MYH10: variants seen among roughly 807,000 people sequenced by gnomAD.
The protein encoded by MYH10 is myosin-10.
A neutral mutation model predicts 257.8 loss-of-function variants in MYH10; 55 were observed. The observed-to-expected ratio is 0.21, with a 90% CI of 0.17 to 0.27. The LOEUF (loss-of-function observed/expected upper bound fraction) is 0.27. MYH10 is among the 10% of genes least tolerant of loss of function. The probability of loss-of-function intolerance (pLI) is 1.00; values close to 1 mark genes in which losing one functional copy is unlikely to be tolerated. For synonymous variants in MYH10, 854 were observed against 921.7 expected (o/e 0.93, Z 1.33); for missense variants, 1,631 against 2,500.6 (o/e 0.65, Z 7.42).
intron 7 of MYH10, among the ~76,000 whole-genome samples, chr17:8,559,300 A>G (rs759205362): frequency 6.6e-6 from 1 of 152,184 alleles, no homozygotes; most frequent in Non-Finnish European, 1.5e-5. Flanking sequence ...CTAGAAATTG[A>G]AAACTTCTGA....
intron 1 of MYH10, among the ~76,000 whole-genome samples, chr17:8,628,842 T>G (rs999682936): frequency 1.4e-4 from 21 of 152,234 alleles, no homozygotes; most frequent in African/African-American, 3.4e-4. Context: ...ATTTCCTCCA[T>G]CTCACCTTCC....
At chr17:8,517,792 C>CA (rs1812335867) in intron 21 of MYH10, among the ~76,000 whole-genome samples, 1 of 152,226 alleles carries the variant, frequency 6.6e-6, no homozygotes, top group African/African-American at 2.4e-5. Context: ...GTCTGATTCT[C>CA]AAGCCTCTTC....
At chr17:8,581,355 GC>G (rs1051206858) in intron 4 of MYH10, among the ~76,000 whole-genome samples, 17 of 151,956 alleles carry the variant, frequency 1.1e-4, no homozygotes, top group Non-Finnish European at 1.6e-4. Flanking sequence ...CAAGAAATGG[GC>G]CTCTTTTTTA....
At chr17:8,539,981 TACTTC>T (rs925785760) in intron 14 of MYH10, among the ~76,000 whole-genome samples, 1 of 152,338 alleles carries the variant, frequency 6.6e-6, no homozygotes. Flanking sequence ...AAACCCTTTC[TACTTC>T]ACTTATTTAT....
At chr17:8,627,579 T>C (rs2085731933) in intron 1 of MYH10, among the ~76,000 whole-genome samples, 1 of 152,252 alleles carries the variant, frequency 6.6e-6, no homozygotes, top group Admixed American at 6.5e-5. Context: ...ATAGAGTTCA[T>C]GAGACCATTG....
chr17:8,480,957 A>AACT, intron 38 of MYH10, among the ~76,000 whole-genome samples: 1 of 762 alleles, frequency 1.3e-3, no homozygotes, highest in Non-Finnish European at 0.011. Flanking sequence ...CGTTCAGTTC[A>AACT]GTAATGACTT....
chr17:8,600,372 AT>A (rs2084545258), intron 3 of MYH10, among the ~76,000 whole-genome samples: 1 of 152,124 alleles, frequency 6.6e-6, no homozygotes, highest in South Asian at 2.1e-4. Context: ...CAAAGAACAC[AT>A]TTAGGAGATT....
intron 13 of MYH10, among the ~76,000 whole-genome samples, chr17:8,542,865 ACTCT>A (rs554191389): frequency 2.6e-5 from 4 of 151,894 alleles, no homozygotes; most frequent in South Asian, 2.1e-4. Context: ...TTAGTATGAG[ACTCT>A]CTATCGTTTC....
chr17:8,606,530 A>G (rs914063229), intron 2 of MYH10, among the ~76,000 whole-genome samples: 1 of 152,330 alleles, frequency 6.6e-6, no homozygotes. Flanking sequence ...AGCCGTGTTC[A>G]TAAGAGCTGA....
At chr17:8,510,381 C>T (rs949987925) in intron 24 of MYH10, among the ~76,000 whole-genome samples, 8 of 152,052 alleles carry the variant, frequency 5.3e-5, no homozygotes, top group East Asian at 1.9e-4. Flanking sequence ...CATTTGTATC[C>T]GCTACAGGCT....
At chr17:8,546,483 G>A (rs764381585) in intron 12 of MYH10, 61 bp downstream of exon 12, 8 of 1,357,530 alleles carry the variant, frequency 5.9e-6, no homozygotes, top group Non-Finnish European at 8.4e-6. Flanking sequence ...CAATCAGAAG[G>A]CCAAATGGCC....
At chr17:8,561,279 AC>A (rs1241544383) in intron 7 of MYH10, 1 of 1,031,058 alleles carries the variant, frequency 9.7e-7, no homozygotes, top group Non-Finnish European at 1.5e-6. Flanking sequence ...GGCCGCGGCC[AC>A]GTGCAGGCTA....
At chr17:8,484,412 G>C (rs1251866301) in intron 36 of MYH10, 146 bp from the exon 37 acceptor site, 3 of 663,028 alleles carry the variant, frequency 4.5e-6, no homozygotes, top group Non-Finnish European at 4.9e-6. Flanking sequence ...ACAAGTGTGA[G>C]CTGCGGTGCC....
chr17:8,520,801 C>T, intron 19 of MYH10, 77 bp downstream of exon 19: 2 of 1,462,162 alleles, frequency 1.4e-6, no homozygotes, highest in East Asian at 2.3e-5. Flanking sequence ...AAAAAGATTT[C>T]CTTATTTTAT....
At chr17:8,563,419 C>T (rs372287358) in intron 7 of MYH10, among the ~76,000 whole-genome samples, 1 of 152,102 alleles carries the variant, frequency 6.6e-6, no homozygotes, top group East Asian at 1.9e-4. Flanking sequence ...AAGATAAATA[C>T]ATAAATAAAA....
At chr17:8,489,741 A>C (rs930800666) in intron 35 of MYH10, among the ~76,000 whole-genome samples, 1 of 148,880 alleles carries the variant, frequency 6.7e-6, no homozygotes, top group Admixed American at 6.7e-5. Flanking sequence ...ACACACACAC[A>C]CACACCCCAA....
intron 1 of MYH10, among the ~76,000 whole-genome samples, chr17:8,628,388 A>C (rs1465369180): frequency 6.6e-6 from 1 of 152,308 alleles, no homozygotes; most frequent in East Asian, 1.9e-4. Flanking sequence ...GTCACCCAGC[A>C]AACTTTTCAA....
intron 2 of MYH10, among the ~76,000 whole-genome samples, chr17:8,612,950 G>A (rs2085101813): frequency 6.6e-6 from 1 of 152,082 alleles, no homozygotes; most frequent in Admixed American, 6.5e-5. Context: ...CATCCACTGG[G>A]GATCTTAGAA....
At chr17:8,607,256 G>C (rs1220374657) in intron 2 of MYH10, among the ~76,000 whole-genome samples, 2 of 152,118 alleles carry the variant, frequency 1.3e-5, no homozygotes, top group Non-Finnish European at 2.9e-5. Flanking sequence ...AGACTAGAAA[G>C]TAAAAAAGCT....
Sources: gnomAD v4.1 joint callset for allele counts (sites outside exome capture counted in the v4.1 genomes callset) on GRCh38, gnomAD v4.1.1 for gene constraint, MANE v1.5 for transcripts, NCBI Gene and HGNC (gene_info 2026-07-23, HGNC 2026-07-21) for gene names.